The following NUDCD3 variants were observed in gnomAD, a reference collection of about 807,000 sequenced individuals.
NUDCD3 encodes the protein nudC domain-containing protein 3.
A neutral mutation model predicts 39.7 loss-of-function variants in NUDCD3; 13 were observed. The observed-to-expected ratio is 0.33, with a 90% CI of 0.21 to 0.52. The LOEUF (loss-of-function observed/expected upper bound fraction) is 0.52, where lower values mean the gene tolerates loss of function less well. Ranked by LOEUF, NUDCD3 falls within the 20% of genes least tolerant of loss-of-function variation. The pLI, the probability that NUDCD3 is intolerant of heterozygous loss-of-function variation, is 0.96. For missense variants in NUDCD3, 453 were observed against 458.1 expected, an observed-to-expected ratio of 0.99 and a Z score of 0.10; for synonymous variants, 175 against 172.4, an observed-to-expected ratio of 1.02 and a Z score of -0.12.
At chr7:44,453,506 T>C (rs1338603878) in intron 2 of NUDCD3, among the ~76,000 whole-genome samples, 1 of 152,184 alleles carries the variant, frequency 6.6e-6, no homozygotes, top group African/African-American at 2.4e-5. Flanking sequence ...TAAGAATTTT[T>C]TTCTGGACTT....
chr7:44,416,704 C>T (rs183707148), intron 3 of NUDCD3, among the ~76,000 whole-genome samples: 1 of 152,126 alleles, frequency 6.6e-6, no homozygotes, highest in East Asian at 1.9e-4. Flanking sequence ...ATAAATAAGG[C>T]AAGCCACTAT....
intron 2 of NUDCD3, among the ~76,000 whole-genome samples, chr7:44,469,091 G>A (rs1253635468): frequency 1.6e-5 from 2 of 129,020 alleles, no homozygotes; most frequent in African/African-American, 2.9e-5. Flanking sequence ...ACTTTAAAAA[G>A]GGCCAGTTTT....
At chr7:44,401,802 A>G (rs1585055102) in intron 4 of NUDCD3, among the ~76,000 whole-genome samples, 1 of 152,168 alleles carries the variant, frequency 6.6e-6, no homozygotes, top group East Asian at 1.9e-4. Context: ...CAGGGCACAA[A>G]TGAAGCCTGG....
At chr7:44,480,941 C>CAAAAAAAAAAAAAAA in intron 2 of NUDCD3, among the ~76,000 whole-genome samples, 1 of 34,876 alleles carries the variant, frequency 2.9e-5, no homozygotes. Context: ...GACCCAGTAT[C>CAAAAAAAAAAAAAAA]AAAAAAAAAA....
intron 2 of NUDCD3, among the ~76,000 whole-genome samples, chr7:44,450,241 G>A (rs930910186): frequency 2.0e-5 from 3 of 151,038 alleles, no homozygotes; most frequent in Admixed American, 1.3e-4. Flanking sequence ...GCAGTGATGC[G>A]ATCTCAGCTC....
At chr7:44,430,203 G>A (rs1456552231) in intron 2 of NUDCD3, among the ~76,000 whole-genome samples, 1 of 152,148 alleles carries the variant, frequency 6.6e-6, no homozygotes, top group Non-Finnish European at 1.5e-5. Context: ...AATGCTAACA[G>A]GAGACAGTGA....
chr7:44,429,043 G>T (rs1317267772), intron 2 of NUDCD3, among the ~76,000 whole-genome samples: 1 of 152,226 alleles, frequency 6.6e-6, no homozygotes, highest in East Asian at 1.9e-4. Context: ...ACAAGGATTG[G>T]GAAGGGGTGG....
intron 3 of NUDCD3, among the ~76,000 whole-genome samples, chr7:44,408,704 T>C (rs372922999): frequency 6.6e-6 from 1 of 152,162 alleles, no homozygotes; most frequent in Non-Finnish European, 1.5e-5. Context: ...CCAGGGAGCA[T>C]TAATTCAAGG....
intron 2 of NUDCD3, among the ~76,000 whole-genome samples, chr7:44,477,822 CTTTTTTTTTTTTTT>C (rs938640330): frequency 1.1e-5 from 1 of 94,154 alleles, no homozygotes; most frequent in Admixed American, 1.1e-4. Context: ...ATGAACAATT[CTTTTTTTTTTTTTT>C]TTTTTTTTTT....
rs10539692 is a variant in NUDCD3 at position 44,454,936 on chromosome 7, A to AACACAC, written c.510-27239_510-27234dup. On this transcript the variant is annotated intron_variant, in intron 2 of 5. Transcript: ENST00000355451. ...GTGACAGAACAGGACCCTGTCTCAA[A>AACACAC]ACACACACACACACACACACACACA... 5.7e-3 allele frequency among the ~76,000 whole-genome samples: 821 copies of AACACAC among 143,402 alleles called. 10 individuals carry two copies. Among genetic ancestry groups the AACACAC allele is most frequent in the African/African-American group, 0.015 (587 of 39,042 alleles). 94.1% of individuals were successfully genotyped at this position (143,402 alleles called of 152,430 possible).
intron 2 of NUDCD3, among the ~76,000 whole-genome samples, chr7:44,432,005 G>C (rs1020548201): frequency 6.6e-6 from 1 of 152,100 alleles, no homozygotes; most frequent in Non-Finnish European, 1.5e-5. Flanking sequence ...CACAGGATTA[G>C]GCTAGGCTCA....
intron 2 of NUDCD3, chr7:44,468,032 C>T (rs61734962): frequency 1.3e-5 from 21 of 1,612,610 alleles, no homozygotes; most frequent in Non-Finnish European, 1.7e-5. Context: ...CAACAGGGTT[C>T]GTAGAAGATT....
chr7:44,481,419 C>T (rs1304785754), intron 2 of NUDCD3: 7 of 152,268 alleles, frequency 4.6e-5, no homozygotes, highest in Non-Finnish European at 8.8e-5. Flanking sequence ...CTCTGCTGCG[C>T]TCTTCAGGCT....
chr7:44,427,103 G>A (rs1472036980), intron 3 of NUDCD3, among the ~76,000 whole-genome samples: 2 of 152,346 alleles, frequency 1.3e-5, no homozygotes, highest in Non-Finnish European at 2.9e-5. Flanking sequence ...CTATGTGAAT[G>A]TATGTTAGCT....
At chr7:44,460,500 T>C (rs1325300431) in intron 2 of NUDCD3, among the ~76,000 whole-genome samples, 1 of 152,134 alleles carries the variant, frequency 6.6e-6, no homozygotes, top group Non-Finnish European at 1.5e-5. Context: ...CCAAATAGTA[T>C]GCCAGACTCT....
Position 44,428,123 on chromosome 7 carries a change from T to TAA in NUDCD3, c.510-422_510-421dup, listed in dbSNP as rs55642004. On this transcript the variant is annotated intron_variant, in intron 2 of 5. Transcript: ENST00000355451. ...TAAACTGCTTGGCAGGGTCAATCTT[T>TAA]AAAAAAAAAAAAAAAAAAAAAAAAA... Among the ~76,000 whole-genome samples, 234 of 76,098 alleles carry TAA rather than the reference T, an allele frequency of 3.1e-3. 4 individuals are homozygous for TAA. Among genetic ancestry groups the TAA allele is most frequent in the African/African-American group, 4.3e-3 (83 of 19,266 alleles). 49.9% of individuals were successfully genotyped at this position (76,098 alleles called of 152,430 possible).
intron 2 of NUDCD3, among the ~76,000 whole-genome samples, chr7:44,439,228 G>C (rs1799529752): frequency 6.6e-6 from 1 of 152,160 alleles, no homozygotes; most frequent in South Asian, 2.1e-4. Context: ...GATTCTGTTG[G>C]CCAACAATTT....
intron 2 of NUDCD3, among the ~76,000 whole-genome samples, chr7:44,477,962 T>C (rs1431743262): frequency 6.6e-6 from 1 of 151,892 alleles, no homozygotes; most frequent in Admixed American, 6.6e-5. Flanking sequence ...GCCTCCTGTG[T>C]AGCTGAGATT....
intron 2 of NUDCD3, among the ~76,000 whole-genome samples, chr7:44,438,640 C>A (rs1240659963): frequency 2.0e-5 from 3 of 151,524 alleles, no homozygotes; most frequent in African/African-American, 7.3e-5. Context: ...CACACCCCAC[C>A]CTCATATCAA....
Sources: allele counts gnomAD v4.1 joint callset (sites outside exome capture counted in the v4.1 genomes callset), GRCh38; gene constraint gnomAD v4.1.1; transcripts MANE v1.5; gene names NCBI Gene and HGNC (gene_info 2026-07-23, HGNC 2026-07-21).